UQCC2: variants seen among roughly 807,000 people sequenced by gnomAD.
UQCC2 encodes ubiquinol-cytochrome c reductase complex assembly factor 2, also known as breast cancer-associated protein SGA-81M.
A neutral mutation model predicts 19.9 loss-of-function variants in UQCC2; 21 were observed. That is an observed-to-expected ratio of 1.05 (90% CI 0.75 to 1.52). The LOEUF (loss-of-function observed/expected upper bound fraction) is 1.52. Ranked by LOEUF, UQCC2 falls within the 40% of genes most tolerant of loss-of-function variation. The pLI is 0.00. For missense variants in UQCC2, 135 were observed against 157.5 expected, an observed-to-expected ratio of 0.86 and a Z score of 0.76; for synonymous variants, 57 against 60.9, an observed-to-expected ratio of 0.94 and a Z score of 0.30.
At chr6:33,703,482 C>T (rs1462991820) in intron 1 of UQCC2, among the ~76,000 whole-genome samples, 2 of 151,998 alleles carry the variant, frequency 1.3e-5, no homozygotes, top group African/African-American at 2.4e-5. Flanking sequence ...CATGATTGGC[C>T]CATCTATGAG....
At chr6:33,707,411 G>A (rs1765713121) in intron 1 of UQCC2, among the ~76,000 whole-genome samples, 1 of 152,236 alleles carries the variant, frequency 6.6e-6, no homozygotes, top group African/African-American at 2.4e-5. Flanking sequence ...CTGCCACACT[G>A]AGGAATGCCA....
chr6:33,701,829 T>C (rs1765643847), intron 1 of UQCC2, among the ~76,000 whole-genome samples: 1 of 151,322 alleles, frequency 6.6e-6, no homozygotes, highest in Non-Finnish European at 1.5e-5. Flanking sequence ...CATGCTCAAG[T>C]GGTCAGTGCA....
intron 3 of UQCC2, chr6:33,698,750 C>T (rs1765601982): frequency 1.3e-5 from 2 of 152,326 alleles, no homozygotes; most frequent in Non-Finnish European, 2.9e-5. Flanking sequence ...GCCCGCACCA[C>T]CAGTTGTGAC....
intron 1 of UQCC2, among the ~76,000 whole-genome samples, chr6:33,706,849 A>G (rs547687919): frequency 6.6e-6 from 1 of 152,294 alleles, no homozygotes; most frequent in East Asian, 1.9e-4. Context: ...GTCTCAAAGG[A>G]TCAGAATTGC....
intron 1 of UQCC2, among the ~76,000 whole-genome samples, chr6:33,702,417 G>T (rs1299610862): frequency 6.6e-6 from 1 of 152,110 alleles, no homozygotes. Context: ...AAAGAAACAT[G>T]AAGAAGGCAA....
chr6:33,703,069 A>G (rs1285902164), intron 1 of UQCC2, among the ~76,000 whole-genome samples: 1 of 152,236 alleles, frequency 6.6e-6, no homozygotes, highest in Non-Finnish European at 1.5e-5. Flanking sequence ...GGACAGAATG[A>G]ATGGAAAATA....
chr6:33,703,419 T>C (rs1486473865), intron 1 of UQCC2, among the ~76,000 whole-genome samples: 1 of 152,084 alleles, frequency 6.6e-6, no homozygotes, highest in Admixed American at 6.6e-5. Context: ...CACCTCGGCC[T>C]CCCAAAGTGT....
Position 33,697,357 on chromosome 6 carries a change from G to T in UQCC2, c.*296C>A. On this transcript the variant is annotated 3_prime_UTR_variant, in exon 4 of 4. Coordinates refer to ENST00000607484, the MANE Select transcript of UQCC2 (RefSeq NM_032340.4). ...GTGCCAGAGGGGCGGGGGCTCCCGT[G>T]GCAATGCAGGAAGCACCTTGTGCCG... 1 of 298,252 alleles carries T rather than the reference G, an allele frequency of 3.4e-6. No individual in the cohort carries two copies. Among genetic ancestry groups the T allele is most frequent in the Non-Finnish European group, 6.2e-6 (1 of 162,036 alleles). The allele number at this position is 298,252 out of a possible 1,614,324, so 18.5% of individuals were successfully genotyped here.
intron 3 of UQCC2, among the ~76,000 whole-genome samples, chr6:33,699,105 A>G (rs1308045397): frequency 6.6e-6 from 1 of 152,168 alleles, no homozygotes; most frequent in Non-Finnish European, 1.5e-5. Flanking sequence ...CAGGGTGGAC[A>G]CACACATAAC....
chr6:33,711,467 A>G, intron 1 of UQCC2, 82 bp downstream of exon 1: 4 of 1,496,174 alleles, frequency 2.7e-6, no homozygotes, highest in Non-Finnish European at 1.8e-6. Flanking sequence ...GCATGCGCAG[A>G]TCCCCCTGCT....
Position 33,711,634 on chromosome 6 carries a change from A to G in UQCC2, c.53T>C (p.Val18Ala), listed in dbSNP as rs372436334. 1 of 1,614,012 alleles carries G rather than the reference A, an allele frequency of 6.2e-7. No individual in the cohort carries two copies. The highest frequency in any genetic ancestry group is 1.1e-5 in the South Asian group (1 of 91,078). ...RFLKLCEEWP[V>A]DETKRGRDLG... ...GTCCCGGCCCCGTTTGGTCTCGTCC[A>G]CTGGCCATTCCTCACAGAGCTTAAG... is the stretch of plus-strand genomic sequence containing the variant. Residue 18 changes from valine (V) to alanine (A), a missense_variant, in exon 1 of 4, where the codon GTG becomes GCG. By Grantham distance (64) the Val-to-Ala change is moderately conservative. Transcript: ENST00000607484.
intron 1 of UQCC2, among the ~76,000 whole-genome samples, chr6:33,706,922 T>C (rs535836997): frequency 1.2e-4 from 18 of 152,350 alleles, no homozygotes; most frequent in African/African-American, 3.8e-4. Context: ...GGGCTCATGT[T>C]AGGGTGGTGC....
intron 1 of UQCC2, among the ~76,000 whole-genome samples, chr6:33,710,612 G>C (rs1201298299): frequency 2.6e-5 from 4 of 152,162 alleles, no homozygotes; most frequent in African/African-American, 9.7e-5. Context: ...TCCTCAGAAA[G>C]GCCCCACTAA....
At chr6:33,708,378 C>T (rs530412956) in intron 1 of UQCC2, among the ~76,000 whole-genome samples, 6 of 150,648 alleles carry the variant, frequency 4.0e-5, no homozygotes, top group Non-Finnish European at 5.9e-5. Context: ...CTTATGGCTA[C>T]GGAACCCCCA....
At chr6:33,706,625 G>T (rs1765701891) in intron 1 of UQCC2, among the ~76,000 whole-genome samples, 1 of 152,216 alleles carries the variant, frequency 6.6e-6, no homozygotes, top group African/African-American at 2.4e-5. Context: ...AGAGAGTGAG[G>T]AGTGCCAACC....
intron 1 of UQCC2, among the ~76,000 whole-genome samples, chr6:33,709,119 A>C (rs539370903): frequency 1.3e-5 from 2 of 152,324 alleles, no homozygotes; most frequent in Admixed American, 1.3e-4. Context: ...ACTAACAATC[A>C]AGCAAGTGAA....
intron 3 of UQCC2, 69 bp from the exon 4 acceptor site, chr6:33,697,819 C>A (rs1024902499): frequency 9.2e-6 from 12 of 1,305,716 alleles, no homozygotes; most frequent in Non-Finnish European, 1.3e-5. Flanking sequence ...ATTGGACCCA[C>A]TGGGCTTTCC....
At chr6:33,698,570 T>A (rs1219224471) in intron 3 of UQCC2, 1 of 152,200 alleles carries the variant, frequency 6.6e-6, no homozygotes, top group Admixed American at 6.5e-5. Context: ...GAGGGGCTCT[T>A]GTTTAAGAAC....
intron 1 of UQCC2, 42 bp downstream of exon 1, chr6:33,711,507 G>C: frequency 1.3e-6 from 2 of 1,563,218 alleles, no homozygotes; most frequent in Non-Finnish European, 8.7e-7. Flanking sequence ...CCCCTGCCTC[G>C]TCCTTTCCTC....
Sources: allele counts gnomAD v4.1 joint callset (sites outside exome capture counted in the v4.1 genomes callset), GRCh38; gene constraint gnomAD v4.1.1; transcripts MANE v1.5; gene names NCBI Gene and HGNC (gene_info 2026-07-23, HGNC 2026-07-21).